Variants in ADAMTSL3 observed in about 807,000 individuals in gnomAD.
ADAMTSL3 encodes ADAMTS-like protein 3.
In ADAMTSL3, 128 loss-of-function variants were observed where a neutral mutation model predicts 201.7. The observed-to-expected ratio is 0.63, with a 90% confidence interval of 0.55 to 0.73. ADAMTSL3 has a LOEUF of 0.73. Among genes scored for constraint, ADAMTSL3 ranks in the 30% least tolerant of loss-of-function variants. ADAMTSL3 has a pLI of 0.00. For synonymous variants in ADAMTSL3, 738 were observed against 748.4 expected, an observed-to-expected ratio of 0.99 and a Z score of 0.23; for missense variants, 1,990 against 2,119.6, an observed-to-expected ratio of 0.94 and a Z score of 1.20.
chr15:83,769,093 A>G (rs1317427543), intron 3 of ADAMTSL3, among the ~76,000 whole-genome samples: 2 of 151,786 alleles, frequency 1.3e-5, no homozygotes, highest in Admixed American at 6.6e-5. Flanking sequence ...TAGAATCAAG[A>G]TTCTTTTTTT....
chr15:83,994,346 C>T (rs547125456), intron 23 of ADAMTSL3, among the ~76,000 whole-genome samples: 100 of 152,318 alleles, frequency 6.6e-4, no homozygotes, highest in Non-Finnish European at 1.1e-3. Flanking sequence ...GACATCCCAC[C>T]AGGCAGCTAG....
intron 17 of ADAMTSL3, among the ~76,000 whole-genome samples, chr15:83,933,660 C>T (rs894247921): frequency 2.6e-5 from 4 of 152,202 alleles, no homozygotes; most frequent in Non-Finnish European, 5.9e-5. Flanking sequence ...CAGGGCACGT[C>T]AGTGGTTTTC....
intron 23 of ADAMTSL3, among the ~76,000 whole-genome samples, chr15:83,998,982 T>G (rs1188462017): frequency 1.3e-5 from 2 of 152,238 alleles, no homozygotes; most frequent in Non-Finnish European, 2.9e-5. Flanking sequence ...CTAGTGCCCT[T>G]TCTGTTCTGA....
intron 3 of ADAMTSL3, among the ~76,000 whole-genome samples, chr15:83,722,486 T>G (rs2062114793): frequency 6.6e-6 from 1 of 152,226 alleles, no homozygotes; most frequent in Admixed American, 6.5e-5. Flanking sequence ...AGTTAGAATT[T>G]AGGAAATGTA....
chr15:83,883,139 TTTCTA>T (rs1372234817), intron 9 of ADAMTSL3, among the ~76,000 whole-genome samples: 3,401 of 150,030 alleles, frequency 0.023, 143 homozygotes, highest in Admixed American at 0.11. Flanking sequence ...TATAATACTA[TTTCTA>T]TTTTATTTTA....
chr15:83,675,685 GT>G (rs1435213431), intron 2 of ADAMTSL3, among the ~76,000 whole-genome samples: 2 of 150,134 alleles, frequency 1.3e-5, no homozygotes, highest in Non-Finnish European at 3.0e-5. Context: ...AGAGATTGGT[GT>G]TCTTTACATG....
At chr15:83,842,442 C>G (rs879757215) in intron 7 of ADAMTSL3, among the ~76,000 whole-genome samples, 19 of 152,184 alleles carry the variant, frequency 1.2e-4, no homozygotes, top group Non-Finnish European at 2.6e-4. Flanking sequence ...CCCAAGCTCC[C>G]CATAACCTGC....
At chr15:83,993,873 G>A (rs555320875) in intron 23 of ADAMTSL3, among the ~76,000 whole-genome samples, 34 of 152,280 alleles carry the variant, frequency 2.2e-4, no homozygotes, top group African/African-American at 7.7e-4. Flanking sequence ...ATCAGTTGCT[G>A]CATGTTTTAT....
At chr15:83,852,261 A>G (rs2064632786) in intron 7 of ADAMTSL3, among the ~76,000 whole-genome samples, 1 of 151,920 alleles carries the variant, frequency 6.6e-6, no homozygotes, top group African/African-American at 2.4e-5. Flanking sequence ...TGTAGGTGCC[A>G]GCCACCATGC....
chr15:83,830,422 C>G (rs868746053), intron 6 of ADAMTSL3, among the ~76,000 whole-genome samples: 6 of 152,184 alleles, frequency 3.9e-5, no homozygotes, highest in Middle Eastern at 3.4e-3. Context: ...TATATAGTAG[C>G]GAGACCATGA....
chr15:83,703,412 T>A (rs1292581181), intron 2 of ADAMTSL3, among the ~76,000 whole-genome samples: 1 of 152,144 alleles, frequency 6.6e-6, no homozygotes, highest in Non-Finnish European at 1.5e-5. Context: ...ATGGTTTGGC[T>A]CTGTGTCCCC....
chr15:83,785,770 A>G (rs1469906497), intron 4 of ADAMTSL3, among the ~76,000 whole-genome samples: 1 of 149,546 alleles, frequency 6.7e-6, no homozygotes, highest in East Asian at 1.9e-4. Flanking sequence ...CACATTTATC[A>G]TGTTCTCTTT....
intron 4 of ADAMTSL3, among the ~76,000 whole-genome samples, chr15:83,778,459 C>T (rs1323072318): frequency 6.6e-6 from 1 of 152,186 alleles, no homozygotes; most frequent in Non-Finnish European, 1.5e-5. Flanking sequence ...AGATTCTGGG[C>T]CAGTATTCAA....
At chr15:83,696,484 A>G (rs984040972) in intron 2 of ADAMTSL3, among the ~76,000 whole-genome samples, 12 of 152,152 alleles carry the variant, frequency 7.9e-5, no homozygotes, top group African/African-American at 2.2e-4. Flanking sequence ...GAGTCCAGCA[A>G]TAATGGCTCA....
chr15:83,969,490 G>T (rs954293075), intron 19 of ADAMTSL3, among the ~76,000 whole-genome samples: 2 of 152,126 alleles, frequency 1.3e-5, no homozygotes, highest in African/African-American at 4.8e-5. Context: ...ATAGGCAGAT[G>T]AATGGATAAA....
intron 9 of ADAMTSL3, among the ~76,000 whole-genome samples, chr15:83,871,667 C>G (rs1019621143): frequency 4.6e-5 from 7 of 152,082 alleles, no homozygotes; most frequent in African/African-American, 1.7e-4. Context: ...AGCCTGTGTC[C>G]CCTCTCTGGA....
At chr15:83,891,894 T>C (rs980502456) in intron 12 of ADAMTSL3, among the ~76,000 whole-genome samples, 4 of 152,206 alleles carry the variant, frequency 2.6e-5, no homozygotes, top group Non-Finnish European at 4.4e-5. Flanking sequence ...AAGTACCTTG[T>C]GACAAGAATT....
chr15:83,698,751 GC>G lies in ADAMTSL3; in HGVS notation c.70-5635del, dbSNP rs1264462117. ...ACTCAGCCATTTCTCCTAAGGGAAG[GC>G]CCAATTTTTCTAAGAAAAACTGCAC... On this transcript the variant is annotated intron_variant, in intron 2 of 29. Transcript: ENST00000286744. Among the ~76,000 whole-genome samples the G allele has an allele frequency of 3.3e-5, 5 of 152,044 alleles. No individual in the cohort carries two copies. In the East Asian group the frequency reaches 9.7e-4, roughly 29 times the overall value.
chr15:83,996,575 A>G (rs1471376187), intron 23 of ADAMTSL3, among the ~76,000 whole-genome samples: 4 of 151,992 alleles, frequency 2.6e-5, no homozygotes, highest in Non-Finnish European at 5.9e-5. Flanking sequence ...AGGTCAGGAA[A>G]TCGAGACCAT....
Sources: allele counts gnomAD v4.1 joint callset (sites outside exome capture counted in the v4.1 genomes callset), GRCh38; gene constraint gnomAD v4.1.1; transcripts MANE v1.5; gene names NCBI Gene and HGNC (gene_info 2026-07-23, HGNC 2026-07-21).